POLR3H: variants seen among roughly 807,000 people sequenced by gnomAD.
POLR3H encodes the protein DNA-directed RNA polymerase III subunit RPC8.
In POLR3H, 17 loss-of-function variants were observed where a neutral mutation model predicts 25.5. That is an observed-to-expected ratio of 0.67 (90% CI 0.46 to 1.00). POLR3H has a LOEUF of 1.00. Among genes scored for constraint, POLR3H ranks in the 50% least tolerant of loss-of-function variants. The pLI is 0.00. For synonymous variants in POLR3H, 129 were observed against 103.0 expected (o/e 1.25, Z -1.53); for missense variants, 274 against 265.0 (o/e 1.03, Z -0.24).
At chr22:41,538,724 T>C (rs2066886553) in intron 2 of POLR3H, among the ~76,000 whole-genome samples, 1 of 152,184 alleles carries the variant, frequency 6.6e-6, no homozygotes, top group East Asian at 1.9e-4. Context: ...GCAATCTTAT[T>C]TCTCTGCTAA....
In POLR3H at chr22:41,527,162, C is replaced by G. The variant is rs2146148702; in HGVS notation, c.*2121G>C. On this transcript the variant is annotated 3_prime_UTR_variant, in exon 6 of 6. Transcript: ENST00000355209. Reference sequence around the variant, plus strand: ...AGGCAGCAGGCGAGGAAGGGCCCCTCCAGCCCCTTTACCGGGAGCCTCAGG... The same window carrying G: ...AGGCAGCAGGCGAGGAAGGGCCCCTGCAGCCCCTTTACCGGGAGCCTCAGG... 5.6e-6 allele frequency: 8 copies of G among 1,437,310 alleles called. No individual in the cohort carries two copies. The highest frequency in any genetic ancestry group is 1.9e-5 in the Admixed American group (1 of 54,014). The allele number at this position is 1,437,310 out of a possible 1,614,324, so 89.0% of individuals were successfully genotyped here.
intron 5 of POLR3H, 123 bp from the exon 6 acceptor site, chr22:41,529,459 A>G (rs2066676851): frequency 7.3e-6 from 6 of 818,442 alleles, no homozygotes; most frequent in Non-Finnish European, 1.2e-5. Flanking sequence ...CACGGCAGCC[A>G]AGAGGCTCTG....
chr22:41,530,543 A>G (rs1165385181), intron 5 of POLR3H, 144 bp downstream of exon 5: 2 of 720,236 alleles, frequency 2.8e-6, no homozygotes, highest in East Asian at 2.7e-5. Context: ...CTCTCCAGGG[A>G]GAAGTGACCA....
At chr22:41,542,775 G>A (rs900860521) in intron 1 of POLR3H, among the ~76,000 whole-genome samples, 1 of 152,158 alleles carries the variant, frequency 6.6e-6, no homozygotes, top group African/African-American at 2.4e-5. Context: ...GGCTGAGGCA[G>A]GCAGATCACC....
Position 41,540,682 on chromosome 22 carries a change from G to A in POLR3H, c.208+17C>T. 6.3e-7 allele frequency: 1 copy of A among 1,594,776 alleles called. No individual in the cohort carries two copies. The highest frequency in any genetic ancestry group is 8.6e-7 in the Non-Finnish European group (1 of 1,162,366). On this transcript the variant is annotated intron_variant, in intron 2 of 5. Transcript: ENST00000355209. Reference sequence around the variant, plus strand: ...AGCCCCAAGAAGCCCAATGCCCCAGGGACAGAAGATACCCACCTTTGGTGT... The same window carrying A: ...AGCCCCAAGAAGCCCAATGCCCCAGAGACAGAAGATACCCACCTTTGGTGT...
At position 41,544,072 on chromosome 22, in the gene POLR3H, G is replaced by C. The variant is rs773561350; in HGVS notation, c.30C>G (p.Thr10=). The C allele has an allele frequency of 2.5e-6, 4 of 1,610,740 alleles. No homozygotes were observed. Among genetic ancestry groups the C allele is most frequent in the Admixed American group, 1.7e-5 (1 of 59,914 alleles). Reference sequence around the variant, plus strand: ...CAAACTGCCAAGGGGGGATCCGGACGGTGTCCACCATTTCCACCAGGACGA... The same window carrying C: ...CAAACTGCCAAGGGGGGATCCGGACCGTGTCCACCATTTCCACCAGGACGA... MFVLVEMVD[T]VRIPPWQFER... The change falls in exon 1 of 6, where the codon ACC becomes ACG. Residue 10 remains threonine, a synonymous_variant. Transcript: ENST00000355209.
intron 2 of POLR3H, among the ~76,000 whole-genome samples, chr22:41,536,634 G>A (rs2145560181): frequency 6.6e-6 from 1 of 151,852 alleles, no homozygotes; most frequent in East Asian, 1.9e-4. Context: ...GGGAGGCCAA[G>A]GCGGGCGGAT....
chr22:41,531,535 C>G (rs930029685), intron 4 of POLR3H, among the ~76,000 whole-genome samples: 3 of 152,378 alleles, frequency 2.0e-5, no homozygotes, highest in Non-Finnish European at 4.4e-5. Context: ...GTGCCAGGTC[C>G]CGTGCTGTGC....
At position 41,543,295 on chromosome 22, in the gene POLR3H, C is replaced by CA. The variant is rs560257574; in HGVS notation, c.111+695dup. ...TGGAATGAAGGGATGAACCTCCTGA[C>CA]AGTTAATTCTGTACTACTAGAACTC... On this transcript the variant is annotated intron_variant, in intron 1 of 5. Coordinates refer to ENST00000355209, the MANE Select transcript of POLR3H (RefSeq NM_001018050.4). 1.2e-4 allele frequency among the ~76,000 whole-genome samples: 19 copies of CA among 152,224 alleles called. No individual in the cohort carries two copies. In the East Asian group the frequency reaches 2.9e-3, roughly 23 times the overall value.
intron 2 of POLR3H, among the ~76,000 whole-genome samples, chr22:41,537,629 G>A (rs76215995): frequency 1.2e-3 from 184 of 152,288 alleles, no homozygotes; most frequent in Admixed American, 2.2e-3. Context: ...GAGAAGCAGA[G>A]GTACCCGCCC....
rs2066708005 is a variant in POLR3H at position 41,530,604 on chromosome 22, C to T, written c.561+83G>A. 5.3e-6 allele frequency: 7 copies of T among 1,312,786 alleles called. No individual in the cohort carries two copies. In the East Asian group the frequency reaches 1.8e-4, roughly 33 times the overall value. 81.3% of individuals were successfully genotyped at this position (1,312,786 alleles called of 1,614,324 possible). ...TGACCTGCTGGGGGAGATCCCAGAG[C>T]AGAAGCCCCAGGACACAGCTTCCAG... On this transcript the variant is annotated intron_variant, in intron 5 of 5. Coordinates refer to ENST00000355209, the MANE Select transcript of POLR3H (RefSeq NM_001018050.4).
At chr22:41,537,461 G>GA (rs1422343501) in intron 2 of POLR3H, among the ~76,000 whole-genome samples, 1 of 152,190 alleles carries the variant, frequency 6.6e-6, no homozygotes, top group East Asian at 1.9e-4. Context: ...GGTTGCAGGA[G>GA]AGGGAGCAGT....
chr22:41,529,508 C>G (rs117087599), intron 5 of POLR3H, among the ~76,000 whole-genome samples, 172 bp from the exon 6 acceptor site: 2 of 152,166 alleles, frequency 1.3e-5, no homozygotes, highest in African/African-American at 4.8e-5. Flanking sequence ...CCAACGGGCA[C>G]GCAGCACGCA....
chr22:41,529,642 G>A (rs1020336963), intron 5 of POLR3H: 7 of 675,968 alleles, frequency 1.0e-5, no homozygotes, highest in Non-Finnish European at 1.9e-5. Flanking sequence ...GCAAACACAA[G>A]GCCCATGCTC....
intron 1 of POLR3H, chr22:41,543,676 A>C: frequency 2.1e-6 from 1 of 479,222 alleles, no homozygotes. Flanking sequence ...AAAACAATGC[A>C]TGGCTGGAAG....
chr22:41,540,910 T>G (rs2066919050), intron 1 of POLR3H, 115 bp from the exon 2 acceptor site: 2 of 744,668 alleles, frequency 2.7e-6, no homozygotes, highest in Non-Finnish European at 2.3e-6. Flanking sequence ...ATTATCTCCT[T>G]TTTTAGGTGA....
Position 41,525,993 on chromosome 22 carries a change from T to G in POLR3H, c.*3290A>C. 2.5e-6 allele frequency: 1 copy of G among 397,924 alleles called. No individual in the cohort carries two copies. The highest frequency in any genetic ancestry group is 4.6e-6 in the Non-Finnish European group (1 of 219,686). 24.6% of individuals were successfully genotyped at this position (397,924 alleles called of 1,614,324 possible). On this transcript the variant is annotated 3_prime_UTR_variant, in exon 6 of 6. Coordinates refer to ENST00000355209, the MANE Select transcript of POLR3H (RefSeq NM_001018050.4). ...CTGAGGCCTGAAGGGTGAGCGAACA[T>G]TGACCTGTCCCAACTTTGGGCGGCC... is the stretch of plus-strand genomic sequence containing the variant.
chr22:41,540,848 C>G, intron 1 of POLR3H, 53 bp from the exon 2 acceptor site: 2 of 1,379,302 alleles, frequency 1.5e-6, no homozygotes, highest in South Asian at 1.2e-5. Context: ...AGAGTGACCA[C>G]AGGCCCAGCT....
At chr22:41,538,334 C>A (rs374113629) in intron 2 of POLR3H, among the ~76,000 whole-genome samples, 3 of 152,016 alleles carry the variant, frequency 2.0e-5, no homozygotes, top group African/African-American at 7.2e-5. Context: ...AGGGTTTCAC[C>A]GTGTTAGCCA....
Sources: gnomAD v4.1 joint callset for allele counts (sites outside exome capture counted in the v4.1 genomes callset) on GRCh38, gnomAD v4.1.1 for gene constraint, MANE v1.5 for transcripts, NCBI Gene and HGNC (gene_info 2026-07-23, HGNC 2026-07-21) for gene names.